The following PCMT1 variants were observed in gnomAD, a reference collection of about 807,000 sequenced individuals.
PCMT1 encodes the protein protein-L-isoaspartate(D-aspartate) O-methyltransferase.
A neutral mutation model predicts 29.2 loss-of-function variants in PCMT1; 9 were observed. The ratio of observed to expected loss-of-function variants is 0.31; its 90% CI spans 0.19 to 0.54. PCMT1 has a LOEUF of 0.54. PCMT1 is among the 20% of genes least tolerant of loss of function. The pLI, the probability that PCMT1 is intolerant of heterozygous loss-of-function variation, is 0.95. For missense variants in PCMT1, 184 were observed against 282.2 expected (o/e 0.65, Z 2.49); for synonymous variants, 98 against 97.5 (o/e 1.00, Z -0.03).
In PCMT1 at chr6:149,749,785, A is replaced by G; in HGVS notation, c.-117A>G. ...CGACGGCAGTAACAGCGGCAGCTAC[A>G]GCGGGGACGCGAGCGGGGCGGTGAC... On this transcript the variant is annotated 5_prime_UTR_variant, in exon 1 of 8. Coordinates refer to ENST00000464889, the MANE Select transcript of PCMT1 (RefSeq NM_001360452.2). The G allele has an allele frequency of 9.0e-6, 14 of 1,550,982 alleles. No individual in the cohort carries two copies. Among genetic ancestry groups the G allele is most frequent in the Non-Finnish European group, 1.2e-5 (14 of 1,146,728 alleles).
intron 3 of PCMT1, among the ~76,000 whole-genome samples, chr6:149,781,589 C>G (rs1483095556): frequency 6.6e-6 from 1 of 152,166 alleles, no homozygotes; most frequent in Non-Finnish European, 1.5e-5. Flanking sequence ...CTCCTGAGCT[C>G]AAGCAATCCT....
In PCMT1 at chr6:149,763,023, G is replaced by GATAT. The variant is rs1473810727; in HGVS notation, c.56-8136_56-8133dup. 1.1e-3 allele frequency among the ~76,000 whole-genome samples: 44 copies of GATAT among 41,160 alleles called. 2 individuals carry two copies. Among genetic ancestry groups the GATAT allele is most frequent in the African/African-American group, 2.2e-3 (10 of 4,508 alleles). 27.0% of individuals were successfully genotyped at this position (41,160 alleles called of 152,430 possible). On this transcript the variant is annotated intron_variant, in intron 1 of 7. Coordinates refer to ENST00000464889, the MANE Select transcript of PCMT1 (RefSeq NM_001360452.2). ...TGATATATATATCTATGATATATAT[G>GATAT]ATATATCTATGATATCTATGATATG... is the stretch of plus-strand genomic sequence containing the variant.
At chr6:149,772,531 T>C (rs1787373199) in intron 2 of PCMT1, 1 of 444,268 alleles carries the variant, frequency 2.3e-6, no homozygotes, top group Non-Finnish European at 4.5e-6. Context: ...AACTCTCAAC[T>C]TACTGAAATT....
chr6:149,754,614 T>C (rs1174485693), intron 1 of PCMT1, among the ~76,000 whole-genome samples: 1 of 152,208 alleles, frequency 6.6e-6, no homozygotes, highest in East Asian at 1.9e-4. Context: ...AAGTTTCAGT[T>C]ACCCCAAGTC....
intron 3 of PCMT1, among the ~76,000 whole-genome samples, chr6:149,783,665 C>T (rs1182608062): frequency 6.6e-6 from 1 of 152,038 alleles, no homozygotes; most frequent in Non-Finnish European, 1.5e-5. Flanking sequence ...GAATGTGGTG[C>T]ATTATGTGTG....
intron 3 of PCMT1, 135 bp downstream of exon 3, chr6:149,773,304 T>A (rs1475312888): frequency 1.5e-6 from 1 of 686,012 alleles, no homozygotes; most frequent in Admixed American, 2.7e-5. Flanking sequence ...ATGAACATCA[T>A]TTTCTTTTTT....
At chr6:149,759,647 A>C (rs1355875842) in intron 1 of PCMT1, among the ~76,000 whole-genome samples, 1 of 152,030 alleles carries the variant, frequency 6.6e-6, no homozygotes, top group Admixed American at 6.6e-5. Context: ...GGCACCTGCC[A>C]CCACATCTGG....
chr6:149,758,470 A>G (rs1466917481), intron 1 of PCMT1, among the ~76,000 whole-genome samples: 2 of 151,842 alleles, frequency 1.3e-5, no homozygotes, highest in African/African-American at 4.8e-5. Flanking sequence ...TCGGCCTCCC[A>G]AAGTGCTGGG....
At chr6:149,764,214 A>G (rs1427411596) in intron 1 of PCMT1, among the ~76,000 whole-genome samples, 1 of 152,204 alleles carries the variant, frequency 6.6e-6, no homozygotes, top group Non-Finnish European at 1.5e-5. Flanking sequence ...TGAAGTGATC[A>G]TAGAAATCTA....
intron 4 of PCMT1, among the ~76,000 whole-genome samples, chr6:149,791,041 G>T (rs1788346302): frequency 6.6e-6 from 1 of 152,032 alleles, no homozygotes; most frequent in Non-Finnish European, 1.5e-5. Context: ...GGCTTAGCAT[G>T]GAGAGGGGGT....
rs1325987215 is a variant in PCMT1, at chr6:149,763,145, A to G, written c.56-8017A>G. 3.4e-5 allele frequency among the ~76,000 whole-genome samples: 2 copies of G among 58,734 alleles called. 1 individual carries two copies. The highest frequency in any genetic ancestry group is 5.3e-4 in the Admixed American group (2 of 3,742). The allele number at this position is 58,734 out of a possible 152,430, so 38.5% of individuals were successfully genotyped here. ...TATCTATGATATATATGATATATAT[A>G]TCTATGATATATATCTATGATATCT... is the stretch of plus-strand genomic sequence containing the variant. On this transcript the variant is annotated intron_variant, in intron 1 of 7. Coordinates refer to ENST00000464889, the MANE Select transcript of PCMT1 (RefSeq NM_001360452.2).
At chr6:149,785,379 A>T (rs1787984884) in intron 3 of PCMT1, among the ~76,000 whole-genome samples, 1 of 140,660 alleles carries the variant, frequency 7.1e-6, no homozygotes, top group African/African-American at 2.6e-5. Flanking sequence ...TTTTAATTTA[A>T]ATGTGGTATG....
intron 1 of PCMT1, among the ~76,000 whole-genome samples, chr6:149,767,423 T>G (rs904898782): frequency 3.3e-5 from 5 of 152,006 alleles, no homozygotes; most frequent in Non-Finnish European, 2.9e-5. Context: ...TGCTGCCTTA[T>G]TCTTACTTTG....
rs183152787 is a variant in PCMT1, at chr6:149,763,904, T to C, written c.56-7258T>C. 9.5e-3 allele frequency among the ~76,000 whole-genome samples: 1,449 copies of C among 152,320 alleles called. 29 individuals are homozygous for C. The highest frequency in any genetic ancestry group is 0.077 in the South Asian group (372 of 4,824). On this transcript the variant is annotated intron_variant, in intron 1 of 7. Coordinates refer to ENST00000464889, the MANE Select transcript of PCMT1 (RefSeq NM_001360452.2). ...GCTTCAGAGAATAACACTAAGAGTG[T>C]CATGTGAGTGAATTATGAAAAGGGA...
intron 1 of PCMT1, among the ~76,000 whole-genome samples, chr6:149,757,693 A>G (rs1786562518): frequency 6.6e-6 from 1 of 152,162 alleles, no homozygotes; most frequent in African/African-American, 2.4e-5. Flanking sequence ...TGGCTTTGAA[A>G]AAGTGTTTTC....
At chr6:149,809,231 C>G (rs1330043697) in intron 7 of PCMT1, among the ~76,000 whole-genome samples, 1 of 117,782 alleles carries the variant, frequency 8.5e-6, no homozygotes, top group Non-Finnish European at 1.6e-5. Context: ...TGCACTCCAG[C>G]CTAGGTGACA....
In PCMT1 at chr6:149,773,091, A is replaced by T. The variant is rs376494621; in HGVS notation, c.161-47A>T. 2.8e-6 allele frequency: 4 copies of T among 1,450,806 alleles called. No homozygotes were observed. The Admixed American group carries it at 5.4e-5, about 20-fold the overall frequency. 89.9% of individuals were successfully genotyped at this position (1,450,806 alleles called of 1,614,324 possible). ...TAGAAAAGAAATTATGTGAAATAGT[A>T]TATTTTTACAGCTGACTGTATCAGT... is the stretch of plus-strand genomic sequence containing the variant. On this transcript the variant is annotated intron_variant, in intron 2 of 7. Coordinates refer to ENST00000464889, the MANE Select transcript of PCMT1 (RefSeq NM_001360452.2).
chr6:149,803,139 A>G (rs1016184086), intron 7 of PCMT1, among the ~76,000 whole-genome samples: 9 of 151,794 alleles, frequency 5.9e-5, no homozygotes, highest in African/African-American at 2.4e-5. Flanking sequence ...AAGAAGGGGA[A>G]AGATAACGGT....
rs1198027662 is a variant in PCMT1 at position 149,762,939 on chromosome 6, A to C, written c.56-8223A>C. On this transcript the variant is annotated intron_variant, in intron 1 of 7. Coordinates refer to ENST00000464889, the MANE Select transcript of PCMT1 (RefSeq NM_001360452.2). ...TATATATATCTATGATATATATGAT[A>C]TATATATCTATGATATGTATATCTA... Among the ~76,000 whole-genome samples the C allele has an allele frequency of 5.2e-5, 3 of 58,178 alleles. No individual in the cohort carries two copies. The South Asian group carries it at 1.5e-3, about 30-fold the overall frequency. The allele number at this position is 58,178 out of a possible 152,430, so 38.2% of individuals were successfully genotyped here. A position where few individuals can be genotyped will look rare whatever the true frequency, so the allele number is the denominator to read the frequency against.
Sources: gnomAD v4.1 joint callset for allele counts (sites outside exome capture counted in the v4.1 genomes callset) on GRCh38, gnomAD v4.1.1 for gene constraint, MANE v1.5 for transcripts, NCBI Gene and HGNC (gene_info 2026-07-23, HGNC 2026-07-21) for gene names.